PCDHGA10: variants seen among roughly 807,000 people sequenced by gnomAD.
PCDHGA10 encodes protocadherin gamma subfamily A, 10.
In PCDHGA10, 42 loss-of-function variants were observed where a neutral mutation model predicts 59.5. The observed-to-expected ratio is 0.71, with a 90% CI of 0.55 to 0.91. The LOEUF is 0.91. Ranked by LOEUF, PCDHGA10 falls within the 40% of genes least tolerant of loss-of-function variation. The probability of loss-of-function intolerance (pLI) is 0.00; values close to 1 mark genes in which losing one functional copy is unlikely to be tolerated. For missense variants in PCDHGA10, 1,111 were observed against 1,198.2 expected, an observed-to-expected ratio of 0.93 and a Z score of 1.07; for synonymous variants, 511 against 517.2, an observed-to-expected ratio of 0.99 and a Z score of 0.16.
rs1487863444 is a variant in PCDHGA10 at position 141,491,016 on chromosome 5, G to A, written c.2437-3791G>A. On this transcript the variant is annotated intron_variant, in intron 1 of 3. Transcript: ENST00000398610. This position sits in a 1 kb window ranked among gnomAD's most constrained non-coding sequence, Gnocchi z 6.9. ...CTCCTGGCTCCTTGGTCACCAAGGTGACAGCCGTGGATGCTGATGCAGGCC... is the reference window on the plus strand; with the variant it reads ...CTCCTGGCTCCTTGGTCACCAAGGTAACAGCCGTGGATGCTGATGCAGGCC... 2.5e-6 allele frequency: 4 copies of A among 1,614,136 alleles called. No individual in the cohort carries two copies. The African/African-American group carries it at 5.3e-5, about 22-fold the overall frequency.
chr5:141,423,156 C>G, intron 1 of PCDHGA10: 1 of 1,613,388 alleles, frequency 6.2e-7, no homozygotes, highest in Non-Finnish European at 8.5e-7. Flanking sequence ...AGCAGAGCCT[C>G]GTGGTGGCCG....
In PCDHGA10 at chr5:141,430,383, GAA is replaced by G. The variant is rs139772145; in HGVS notation, c.2436+14784_2436+14785del. Among the ~76,000 whole-genome samples the G allele has an allele frequency of 1.3e-3, 180 of 138,574 alleles. 1 individual carries two copies. Among genetic ancestry groups the G allele is most frequent in the African/African-American group, 4.5e-3 (169 of 37,858 alleles). 90.9% of individuals were successfully genotyped at this position (138,574 alleles called of 152,430 possible). A position where few individuals can be genotyped will look rare whatever the true frequency, so the allele number is the denominator to read the frequency against. On this transcript the variant is annotated intron_variant, in intron 1 of 3. Coordinates refer to ENST00000398610, the MANE Select transcript of PCDHGA10 (RefSeq NM_018913.3). ...CATTGGGGAAAAAAAAGCTCATTGG[GAA>G]AAAAAAAAAAAGCTCACTAAAGTTT...
At chr5:141,423,562 AC>A in intron 1 of PCDHGA10, 1 of 1,613,612 alleles carries the variant, frequency 6.2e-7, no homozygotes, top group Non-Finnish European at 8.5e-7. Flanking sequence ...CTATGGGGAC[AC>A]GCTCATCAGC....
At chr5:141,415,791 C>G (rs2095959265) in intron 1 of PCDHGA10, 180 bp downstream of exon 1, 4 of 1,341,886 alleles carry the variant, frequency 3.0e-6, no homozygotes, top group Admixed American at 8.1e-5. Context: ...GTAAAATTCA[C>G]CTAGTCTCAA....
rs1196083589 is a variant in PCDHGA10, at chr5:141,486,525, A to G, written c.2437-8282A>G. On this transcript the variant is annotated intron_variant, in intron 1 of 3. Coordinates refer to ENST00000398610, the MANE Select transcript of PCDHGA10 (RefSeq NM_018913.3). This position sits in a 1 kb window ranked among gnomAD's most constrained non-coding sequence, Gnocchi z 5.0. ...CTCAATATTTCAGATGTGAATGATA[A>G]TCCACCCTCTTTCTTTCAGAGGTCA... 1 of 1,614,158 alleles carries G rather than the reference A, an allele frequency of 6.2e-7. No individual in the cohort carries two copies. Among genetic ancestry groups the G allele is most frequent in the African/African-American group, 1.3e-5 (1 of 75,054 alleles).
chr5:141,507,522 C>G (rs560304194), intron 3 of PCDHGA10, among the ~76,000 whole-genome samples: 365 of 152,096 alleles, frequency 2.4e-3, no homozygotes, highest in African/African-American at 8.1e-3. Context: ...GCTATGATTC[C>G]AGAGAGGCCA....
chr5:141,489,040 C>G lies in PCDHGA10; in HGVS notation c.2437-5767C>G. On this transcript the variant is annotated intron_variant, in intron 1 of 3. Coordinates refer to ENST00000398610, the MANE Select transcript of PCDHGA10 (RefSeq NM_018913.3). This position sits in a 1 kb window ranked among gnomAD's most constrained non-coding sequence, Gnocchi z 4.5. ...CCTCTCCTCCTCCAGCTCCCCAGCT[C>G]CACTCAAATTCAGCTCCCCTCCCCC... 1 of 479,752 alleles carries G rather than the reference C, an allele frequency of 2.1e-6. No homozygotes were observed. The highest frequency in any genetic ancestry group is 3.6e-6 in the Non-Finnish European group (1 of 274,204). 29.7% of individuals were successfully genotyped at this position (479,752 alleles called of 1,614,324 possible). A position where few individuals can be genotyped will look rare whatever the true frequency, so the allele number is the denominator to read the frequency against.
intron 2 of PCDHGA10, among the ~76,000 whole-genome samples, chr5:141,499,010 AAGG>A (rs2099788390): frequency 6.6e-6 from 1 of 151,098 alleles, no homozygotes; most frequent in Non-Finnish European, 1.5e-5. Context: ...GGAAGGAAGG[AAGG>A]AAGGAAGGAA....
In PCDHGA10 at chr5:141,431,141, G is replaced by A. The variant is rs1262504427; in HGVS notation, c.2436+15530G>A. 24 of 1,614,212 alleles carry A rather than the reference G, an allele frequency of 1.5e-5. No individual in the cohort carries two copies. The highest frequency in any genetic ancestry group is 2.0e-5 in the Non-Finnish European group (24 of 1,180,030). On this transcript the variant is annotated intron_variant, in intron 1 of 3. Coordinates refer to ENST00000398610, the MANE Select transcript of PCDHGA10 (RefSeq NM_018913.3). The surrounding 1 kb of genome is among the most constrained non-coding windows in gnomAD (Gnocchi z 4.8). ...AGAAGTAGAAGTAAGGGACATTAAC[G>A]ACAATGCGCCTTACTTTCGTGAAAG...
chr5:141,476,421 C>T lies in PCDHGA10; in HGVS notation c.2437-18386C>T, dbSNP rs765688262. On this transcript the variant is annotated intron_variant, in intron 1 of 3. Coordinates refer to ENST00000398610, the MANE Select transcript of PCDHGA10 (RefSeq NM_018913.3). The surrounding 1 kb of genome is among the most constrained non-coding windows in gnomAD (Gnocchi z 7.6). ...CGAGAGGAGCTGTGTGGGACACTGC[C>T]CTCTTGCACTGTAACTCTGGAGTTG... 1 of 1,614,026 alleles carries T rather than the reference C, an allele frequency of 6.2e-7. No homozygotes were observed. The highest frequency in any genetic ancestry group is 8.5e-7 in the Non-Finnish European group (1 of 1,179,994).
At position 141,431,965 on chromosome 5, in the gene PCDHGA10, T is replaced by G. The variant is rs765281339; in HGVS notation, c.2436+16354T>G. ...TAGAAAAATCTTACGGAAATTACTATAGTTTAGTCACAGACATAGTCTTGG... is the reference window on the plus strand; with the variant it reads ...TAGAAAAATCTTACGGAAATTACTAGAGTTTAGTCACAGACATAGTCTTGG... On this transcript the variant is annotated intron_variant, in intron 1 of 3. Coordinates refer to ENST00000398610, the MANE Select transcript of PCDHGA10 (RefSeq NM_018913.3). This position sits in a 1 kb window ranked among gnomAD's most constrained non-coding sequence, Gnocchi z 4.8. The G allele has an allele frequency of 1.2e-6, 2 of 1,614,216 alleles. No individual in the cohort carries two copies. Among genetic ancestry groups the G allele is most frequent in the East Asian group, 4.5e-5 (2 of 44,892 alleles).
At chr5:141,435,954 G>A (rs1163590812) in intron 1 of PCDHGA10, among the ~76,000 whole-genome samples, 2 of 152,092 alleles carry the variant, frequency 1.3e-5, no homozygotes, top group African/African-American at 2.4e-5. Flanking sequence ...AAAAAAGGGG[G>A]CAAAATATAG....
Position 141,485,778 on chromosome 5 carries a change from G to C in PCDHGA10, c.2437-9029G>C. 1 of 1,614,216 alleles carries C rather than the reference G, an allele frequency of 6.2e-7. No homozygotes were observed. Among genetic ancestry groups the C allele is most frequent in the Non-Finnish European group, 8.5e-7 (1 of 1,180,048 alleles). On this transcript the variant is annotated intron_variant, in intron 1 of 3. Transcript: ENST00000398610. The surrounding 1 kb of genome is among the most constrained non-coding windows in gnomAD (Gnocchi z 5.7). ...CTGCTCCTGGAGAAGCCTTTGGATCGAGAGAAGCAATCGGACTACCGCCTG... is the reference window on the plus strand; with the variant it reads ...CTGCTCCTGGAGAAGCCTTTGGATCCAGAGAAGCAATCGGACTACCGCCTG...
At chr5:141,449,588 CAAAAAAA>C (rs768743917) in intron 1 of PCDHGA10, among the ~76,000 whole-genome samples, 5 of 57,506 alleles carry the variant, frequency 8.7e-5, no homozygotes, top group Admixed American at 3.6e-4. Flanking sequence ...GACTCTGTCT[CAAAAAAA>C]AAAAAAAAAA....
rs1289890545 is a variant in PCDHGA10, at chr5:141,414,874, C to T, written c.1699C>T (p.Leu567=). ...CCAGAACGACAATGCGCCCGAGATC[C>T]TGTACCCCGCCCTCCCCACAGACGG... is the stretch of plus-strand genomic sequence containing the variant. The part of the protein sequence containing the change: ...LDQNDNAPEI[L]YPALPTDGST... The change falls in exon 1 of 4, where the codon CTG becomes TTG. Residue 567 remains leucine (L), a synonymous_variant. Transcript: ENST00000398610. 3.7e-6 allele frequency: 6 copies of T among 1,614,136 alleles called. No individual in the cohort carries two copies. The African/African-American group carries it at 8.0e-5, about 22-fold the overall frequency.
At position 141,486,927 on chromosome 5, in the gene PCDHGA10, G is replaced by A; in HGVS notation, c.2437-7880G>A. ...CCCCAAGCACTGCCTCCATCAGTTG[G>A]TGCTGGCCACCTAATCACAAAGGTG... On this transcript the variant is annotated intron_variant, in intron 1 of 3. Transcript: ENST00000398610. The surrounding 1 kb of genome is among the most constrained non-coding windows in gnomAD (Gnocchi z 5.0). 4 of 1,614,226 alleles carry A rather than the reference G, an allele frequency of 2.5e-6. No individual in the cohort carries two copies. Among genetic ancestry groups the A allele is most frequent in the Non-Finnish European group, 3.4e-6 (4 of 1,180,046 alleles).
chr5:141,501,693 G>T (rs1417828433), intron 2 of PCDHGA10, among the ~76,000 whole-genome samples: 1 of 152,028 alleles, frequency 6.6e-6, no homozygotes, highest in Non-Finnish European at 1.5e-5. Context: ...TATCTGCAGG[G>T]TGATTCCGAG....
chr5:141,418,058 C>A (rs2096216434), intron 1 of PCDHGA10: 1 of 1,613,872 alleles, frequency 6.2e-7, no homozygotes, highest in Non-Finnish European at 8.5e-7. Flanking sequence ...TCGCGAGCTG[C>A]GAGTGAGCGC....
At chr5:141,464,861 C>G (rs1178430383) in intron 1 of PCDHGA10, among the ~76,000 whole-genome samples, 1 of 152,134 alleles carries the variant, frequency 6.6e-6, no homozygotes, top group Non-Finnish European at 1.5e-5. Flanking sequence ...ACCTTAGCCT[C>G]CCAAGTAGCT....
Sources: gnomAD v4.1 joint callset for allele counts (sites outside exome capture counted in the v4.1 genomes callset) on GRCh38, gnomAD v4.1.1 for gene constraint, Gnocchi (gnomAD v3.1) non-coding constraint, MANE v1.5 for transcripts, NCBI Gene and HGNC (gene_info 2026-07-23, HGNC 2026-07-21) for gene names.